The following UTRN variants were observed in gnomAD, a reference collection of about 807,000 sequenced individuals.
UTRN encodes the protein utrophin, also known as dystrophin-related protein 1.
Under a neutral mutation model 463.9 loss-of-function variants are expected in UTRN, and 283 were observed. The observed-to-expected ratio is 0.61, with a 90% CI of 0.55 to 0.67. UTRN has a LOEUF of 0.67. Among genes scored for constraint, UTRN ranks in the 30% least tolerant of loss-of-function variants. The pLI is 0.00. For missense variants in UTRN, 3,922 were observed against 4,084.3 expected (o/e 0.96, Z 1.08); for synonymous variants, 1,442 against 1,431.5 (o/e 1.01, Z -0.17).
intron 51 of UTRN, among the ~76,000 whole-genome samples, chr6:144,643,517 C>T (rs1044569948): frequency 6.6e-6 from 1 of 152,020 alleles, no homozygotes; most frequent in Non-Finnish European, 1.5e-5. Context: ...GTTAATTGGG[C>T]CGGGCACGGT....
chr6:144,704,124 C>T (rs1020145212), intron 53 of UTRN, among the ~76,000 whole-genome samples: 59 of 152,234 alleles, frequency 3.9e-4, no homozygotes, highest in Non-Finnish European at 7.4e-4. Context: ...AACCTACTTA[C>T]CGAATAACTT....
chr6:144,466,727 C>A (rs1278683888), intron 23 of UTRN, among the ~76,000 whole-genome samples: 1 of 152,170 alleles, frequency 6.6e-6, no homozygotes, highest in Admixed American at 6.5e-5. Context: ...GTAGTAATAT[C>A]TTTGGATTTA....
At chr6:144,652,003 C>T (rs1778867946) in intron 51 of UTRN, among the ~76,000 whole-genome samples, 1 of 152,106 alleles carries the variant, frequency 6.6e-6, no homozygotes, top group African/African-American at 2.4e-5. Flanking sequence ...TTGTGTTGTA[C>T]TTTTAAAGGC....
At chr6:144,848,721 G>A (rs944693788) in intron 74 of UTRN, among the ~76,000 whole-genome samples, 1 of 152,256 alleles carries the variant, frequency 6.6e-6, no homozygotes, top group East Asian at 1.9e-4. Flanking sequence ...GAGGAAAAGA[G>A]CCTAAAGAAC....
chr6:144,577,415 C>T lies in UTRN; in HGVS notation c.7479+127C>T, dbSNP rs1562597688. 8 of 955,104 alleles carry T rather than the reference C, an allele frequency of 8.4e-6. No homozygotes were observed. In the South Asian group the frequency reaches 1.5e-4, roughly 17 times the overall value. 59.2% of individuals were successfully genotyped at this position (955,104 alleles called of 1,614,324 possible). On this transcript the variant is annotated intron_variant, in intron 51 of 74. Coordinates refer to ENST00000367545, the MANE Select transcript of UTRN (RefSeq NM_007124.3). ...TATTCTCTTATGAAATCCGTGCTCT[C>T]CTGTGAATAATAGGTTTCTTGAAAT...
At position 144,451,474 on chromosome 6, in the gene UTRN, A is replaced by G. The variant is rs543995910; in HGVS notation, c.2177A>G (p.Glu726Gly). 9.9e-6 allele frequency: 16 copies of G among 1,610,598 alleles called. 1 individual carries two copies. In the South Asian group the frequency reaches 1.8e-4, roughly 18 times the overall value. Residue 726 changes from glutamate to glycine, a missense_variant, in exon 18 of 75, where the codon GAA becomes GGA. Around this residue, in one of 3 missense-constraint regions of UTRN, gnomAD observed 2,349 missense variants for 2,303.8 expected, o/e 1.02. Coordinates refer to ENST00000367545, the MANE Select transcript of UTRN (RefSeq NM_007124.3). ...TATATGAAGATGCAAGACACTTCCG[A>G]AATGAAAAAGAAGTTGAAGGTAAAA... The part of the protein sequence containing the change: ...KEYMKMQDTS[E>G]MKKKLKALEK...
chr6:144,751,258 T>C (rs1341093574), intron 55 of UTRN, among the ~76,000 whole-genome samples: 1 of 152,080 alleles, frequency 6.6e-6, no homozygotes, highest in Non-Finnish European at 1.5e-5. Context: ...AAGTGGAAAA[T>C]AATGGCATAC....
intron 2 of UTRN, among the ~76,000 whole-genome samples, chr6:144,353,420 A>AT (rs35761189): frequency 0.53 from 73,906 of 138,840 alleles, 21,429 homozygotes; most frequent in East Asian, 0.73. Context: ...GGCCCTTCTG[A>AT]TTTTTTTTTT....
chr6:144,557,083 G>A (rs1799453717), intron 49 of UTRN, 74 bp from the exon 50 acceptor site: 4 of 1,509,706 alleles, frequency 2.6e-6, no homozygotes, highest in Middle Eastern at 1.8e-4. Context: ...AAATCTGCTG[G>A]GAGTACCATT....
chr6:144,564,608 T>C (rs1329619451), intron 50 of UTRN, among the ~76,000 whole-genome samples: 1 of 152,150 alleles, frequency 6.6e-6, no homozygotes, highest in Non-Finnish European at 1.5e-5. Flanking sequence ...CTTACAATCA[T>C]GGCGGAAGGT....
At chr6:144,315,797 AC>A (rs1775245499) in intron 2 of UTRN, among the ~76,000 whole-genome samples, 2 of 152,188 alleles carry the variant, frequency 1.3e-5, no homozygotes, top group African/African-American at 4.8e-5. Flanking sequence ...GTAGGAATCT[AC>A]CTGAAAAGCA....
In UTRN at chr6:144,571,333, A is replaced by G. The variant is rs1292246453; in HGVS notation, c.7290-5766A>G. On this transcript the variant is annotated intron_variant, in intron 50 of 74. Transcript: ENST00000367545. ...AGTGGGTAACTTCTAAATTTTAAAA[A>G]TTAAAATTCACCTATGATTACAAAA... Among the ~76,000 whole-genome samples the G allele has an allele frequency of 2.0e-5, 3 of 152,220 alleles. No homozygotes were observed. In the East Asian group the frequency reaches 5.8e-4, roughly 29 times the overall value.
intron 51 of UTRN, among the ~76,000 whole-genome samples, chr6:144,603,992 A>G (rs1437714817): frequency 2.6e-5 from 4 of 152,208 alleles, no homozygotes; most frequent in Non-Finnish European, 4.4e-5. Flanking sequence ...TTTCCAGAAT[A>G]TGAATTCTAC....
chr6:144,343,409 C>CAA (rs1554220423), intron 2 of UTRN, among the ~76,000 whole-genome samples: 6 of 141,600 alleles, frequency 4.2e-5, no homozygotes, highest in South Asian at 2.3e-4. Context: ...CACACACACA[C>CAA]AATAGCCGGG....
intron 1 of UTRN, among the ~76,000 whole-genome samples, chr6:144,288,428 A>G (rs1803890374): frequency 6.6e-6 from 1 of 152,212 alleles, no homozygotes; most frequent in Non-Finnish European, 1.5e-5. Flanking sequence ...ATAGTGAAGA[A>G]AAGCATTAGA....
At chr6:144,811,740 A>T (rs905090370) in intron 65 of UTRN, among the ~76,000 whole-genome samples, 55 of 39,940 alleles carry the variant, frequency 1.4e-3, no homozygotes, top group African/African-American at 2.0e-3. Context: ...TTTTATAGTT[A>T]AAAAAAAAAA....
chr6:144,429,384 A>G (rs1785586783), intron 8 of UTRN, among the ~76,000 whole-genome samples, 197 bp from the exon 9 acceptor site: 1 of 152,182 alleles, frequency 6.6e-6, no homozygotes, highest in Admixed American at 6.5e-5. Flanking sequence ...TTAAAAAATG[A>G]GATACTGAAC....
intron 51 of UTRN, among the ~76,000 whole-genome samples, chr6:144,647,993 G>T (rs1302180313): frequency 6.6e-6 from 1 of 152,204 alleles, no homozygotes; most frequent in Non-Finnish European, 1.5e-5. Flanking sequence ...TAAACACTAT[G>T]CTATTTATGT....
At position 144,372,352 on chromosome 6, in the gene UTRN, A is replaced by G. The variant is rs375370491; in HGVS notation, c.80-30771A>G. On this transcript the variant is annotated intron_variant, in intron 2 of 74. Coordinates refer to ENST00000367545, the MANE Select transcript of UTRN (RefSeq NM_007124.3). ...TCTGTTAAATGGGATAGTAATAGCCACAATAATACCTCATGGCTGTTGTGA... is the reference window on the plus strand; with the variant it reads ...TCTGTTAAATGGGATAGTAATAGCCGCAATAATACCTCATGGCTGTTGTGA... Among the ~76,000 whole-genome samples, 8 of 152,390 alleles carry G rather than the reference A, an allele frequency of 5.2e-5. No individual in the cohort carries two copies. In the East Asian group the frequency reaches 1.5e-3, roughly 29 times the overall value.
Sources: gnomAD v4.1 joint callset for allele counts (sites outside exome capture counted in the v4.1 genomes callset) on GRCh38, gnomAD v4.1.1 for gene constraint, gnomAD v4.1.1 regional missense constraint, MANE v1.5 for transcripts, NCBI Gene and HGNC (gene_info 2026-07-23, HGNC 2026-07-21) for gene names.